The following GPC5 variants were observed in gnomAD, a reference collection of about 807,000 sequenced individuals.
GPC5 encodes glypican-5.
A neutral mutation model predicts 53.9 loss-of-function variants in GPC5; 47 were observed. The ratio of observed to expected loss-of-function variants is 0.87; its 90% CI spans 0.69 to 1.11. The LOEUF (loss-of-function observed/expected upper bound fraction) is 1.11. Ranked by LOEUF, GPC5 falls within the 50% of genes most tolerant of loss-of-function variation. The pLI, the probability that GPC5 is intolerant of heterozygous loss-of-function variation, is 0.00. For synonymous variants in GPC5, 286 were observed against 263.3 expected (o/e 1.09, Z -0.84); for missense variants, 748 against 713.1 (o/e 1.05, Z -0.56).
intron 2 of GPC5, among the ~76,000 whole-genome samples, chr13:91,539,131 C>T (rs78907623): frequency 0.023 from 3,503 of 152,236 alleles, 54 homozygotes; most frequent in Non-Finnish European, 0.037. Flanking sequence ...CTGCTCATTA[C>T]ATATTAGTTT....
chr13:91,504,905 A>G (rs904551783), intron 2 of GPC5, among the ~76,000 whole-genome samples: 1 of 152,162 alleles, frequency 6.6e-6, no homozygotes, highest in Non-Finnish European at 1.5e-5. Flanking sequence ...GTGAGCTATG[A>G]CTTTGTCACT....
chr13:91,977,826 T>C (rs113048810), intron 6 of GPC5, among the ~76,000 whole-genome samples: 3,596 of 152,112 alleles, frequency 0.024, 142 homozygotes, highest in African/African-American at 0.082. Flanking sequence ...ATAAAAACTT[T>C]TAGCGCTAGG....
chr13:92,809,416 G>A (rs545115856), intron 7 of GPC5, among the ~76,000 whole-genome samples: 64 of 152,204 alleles, frequency 4.2e-4, no homozygotes, highest in African/African-American at 1.5e-3. Flanking sequence ...AATTCAGTGA[G>A]GTGCAGAGGG....
chr13:91,667,895 A>C (rs930536910), intron 2 of GPC5, among the ~76,000 whole-genome samples: 1 of 152,162 alleles, frequency 6.6e-6, no homozygotes, highest in African/African-American at 2.4e-5. Context: ...TGGACCCTGC[A>C]GCAGTGTTGT....
intron 6 of GPC5, among the ~76,000 whole-genome samples, chr13:92,104,097 G>A (rs2041488439): frequency 3.3e-5 from 5 of 152,130 alleles, no homozygotes; most frequent in Admixed American, 3.3e-4. Flanking sequence ...CAAACTCACA[G>A]CCTGTAAGTA....
intron 7 of GPC5, among the ~76,000 whole-genome samples, chr13:92,708,334 GT>G (rs1888017680): frequency 6.6e-6 from 1 of 152,078 alleles, no homozygotes; most frequent in African/African-American, 2.4e-5. Context: ...ATACTCAAAG[GT>G]TCCAATGATG....
chr13:91,717,169 A>G (rs1451862372), intron 3 of GPC5, among the ~76,000 whole-genome samples: 1 of 152,254 alleles, frequency 6.6e-6, no homozygotes, highest in African/African-American at 2.4e-5. Context: ...AAAGAAAAGT[A>G]GAGACTGAAA....
intron 2 of GPC5, among the ~76,000 whole-genome samples, chr13:91,537,100 A>C (rs1034588151): frequency 2.6e-5 from 4 of 152,194 alleles, no homozygotes; most frequent in Non-Finnish European, 5.9e-5. Flanking sequence ...TGAAAGAAAA[A>C]AAGGTTTCAG....
chr13:91,794,163 T>G (rs948160343), intron 5 of GPC5, among the ~76,000 whole-genome samples: 2 of 152,212 alleles, frequency 1.3e-5, no homozygotes, highest in African/African-American at 2.4e-5. Context: ...TCCTCAAGAA[T>G]AATTTCCTTA....
At chr13:91,821,023 A>G (rs918872569) in intron 5 of GPC5, among the ~76,000 whole-genome samples, 4 of 152,146 alleles carry the variant, frequency 2.6e-5, no homozygotes, top group Non-Finnish European at 5.9e-5. Context: ...ATAAATTTTT[A>G]AATTATGTTG....
chr13:91,813,071 T>G (rs1444864620), intron 5 of GPC5, among the ~76,000 whole-genome samples: 2 of 152,214 alleles, frequency 1.3e-5, no homozygotes, highest in Non-Finnish European at 2.9e-5. Context: ...AAATGAGACA[T>G]TTCCATCTTT....
chr13:91,919,748 G>A (rs1442117527), intron 6 of GPC5, among the ~76,000 whole-genome samples: 1 of 151,992 alleles, frequency 6.6e-6, no homozygotes, highest in Non-Finnish European at 1.5e-5. Flanking sequence ...AAATGTACCA[G>A]GAAGGCTCCT....
At chr13:92,090,999 G>A (rs1428193839) in intron 6 of GPC5, among the ~76,000 whole-genome samples, 1 of 152,194 alleles carries the variant, frequency 6.6e-6, no homozygotes, top group Non-Finnish European at 1.5e-5. Flanking sequence ...GCAGGAGCCT[G>A]TAGTCTAAAA....
intron 7 of GPC5, among the ~76,000 whole-genome samples, chr13:92,807,441 G>T (rs966507413): frequency 2.0e-5 from 3 of 152,024 alleles, no homozygotes; most frequent in Non-Finnish European, 4.4e-5. Context: ...TCAAAATCAA[G>T]ATCAGAGTCA....
At chr13:92,834,105 A>G (rs1046112978) in intron 7 of GPC5, among the ~76,000 whole-genome samples, 1 of 152,132 alleles carries the variant, frequency 6.6e-6, no homozygotes, top group Non-Finnish European at 1.5e-5. Flanking sequence ...CAAGAGACAG[A>G]AAACAAATTT....
chr13:91,849,388 C>T (rs1399637886), intron 5 of GPC5, among the ~76,000 whole-genome samples: 2 of 152,156 alleles, frequency 1.3e-5, no homozygotes, highest in Non-Finnish European at 2.9e-5. Context: ...AGTGAATTTC[C>T]ATCCATTGCC....
chr13:91,702,797 C>T (rs531043595), intron 3 of GPC5, among the ~76,000 whole-genome samples: 16 of 151,916 alleles, frequency 1.1e-4, no homozygotes, highest in Non-Finnish European at 1.9e-4. Context: ...TAAGTTCATC[C>T]TCTTCAATTT....
At chr13:92,534,736 A>C (rs961223807) in intron 7 of GPC5, among the ~76,000 whole-genome samples, 4 of 152,232 alleles carry the variant, frequency 2.6e-5, no homozygotes, top group Non-Finnish European at 4.4e-5. Flanking sequence ...TGAATTAAGC[A>C]GTAAAATGAA....
intron 7 of GPC5, among the ~76,000 whole-genome samples, chr13:92,563,546 A>T (rs1473818783): frequency 6.6e-6 from 1 of 152,006 alleles, no homozygotes; most frequent in Non-Finnish European, 1.5e-5. Flanking sequence ...GACTAACTAC[A>T]CTGTTTAAAT....
Sources: allele counts gnomAD v4.1 joint callset (sites outside exome capture counted in the v4.1 genomes callset), GRCh38; gene constraint gnomAD v4.1.1; transcripts MANE v1.5; gene names NCBI Gene and HGNC (gene_info 2026-07-23, HGNC 2026-07-21).